The following AFG2A variants were observed in gnomAD, a reference collection of about 807,000 sequenced individuals.
AFG2A encodes ATPase family gene 2 protein homolog A.
At chr4:123,218,447 G>A in the AFG2A span, among the ~76,000 whole-genome samples, 1 of 152,180 alleles carries the variant, frequency 6.6e-6, no homozygotes, top group African/African-American at 2.4e-5. Context: ...AGTATTGAGT[G>A]GCAATTATTT....
the AFG2A span, among the ~76,000 whole-genome samples, chr4:122,936,934 C>T: frequency 2.0e-5 from 3 of 152,102 alleles, no homozygotes; most frequent in East Asian, 1.9e-4. Context: ...CAGTTGAGAT[C>T]GTGCCATTGC....
the AFG2A span, among the ~76,000 whole-genome samples, chr4:123,273,486 A>G: frequency 6.6e-5 from 10 of 152,320 alleles, no homozygotes; most frequent in African/African-American, 2.2e-4. Context: ...GAGAAGCTCT[A>G]TACATATGGA....
chr4:123,149,892 G>T, the AFG2A span, among the ~76,000 whole-genome samples: 1 of 140,122 alleles, frequency 7.1e-6, no homozygotes. Context: ...TGCAACCTCC[G>T]TCTCCTAGGA....
the AFG2A span, among the ~76,000 whole-genome samples, chr4:122,968,238 A>G: frequency 6.6e-6 from 1 of 152,120 alleles, no homozygotes. Context: ...TGCTTTATTT[A>G]TAGTTTTTTT....
the AFG2A span, among the ~76,000 whole-genome samples, chr4:122,938,550 G>A: frequency 2.2e-4 from 34 of 152,216 alleles, no homozygotes; most frequent in African/African-American, 7.9e-4. Flanking sequence ...CAGTAAGGAA[G>A]ATTTAGCAGT....
the AFG2A span, among the ~76,000 whole-genome samples, chr4:123,100,507 G>T: frequency 6.6e-6 from 1 of 151,714 alleles, no homozygotes; most frequent in Non-Finnish European, 1.5e-5. Context: ...TTTTTCTTGT[G>T]AACTATTTGT....
At chr4:122,995,793 A>G in the AFG2A span, among the ~76,000 whole-genome samples, 4 of 152,190 alleles carry the variant, frequency 2.6e-5, no homozygotes, top group Non-Finnish European at 5.9e-5. Context: ...GCTTCTTTGT[A>G]TATTTGATCA....
the AFG2A span, among the ~76,000 whole-genome samples, chr4:123,201,568 CT>C: frequency 6.6e-6 from 1 of 152,086 alleles, no homozygotes; most frequent in Non-Finnish European, 1.5e-5. Context: ...TTCAGGTGTT[CT>C]TTTAACCTTC....
chr4:123,143,182 G>GAAA, the AFG2A span, among the ~76,000 whole-genome samples: 13 of 130,746 alleles, frequency 9.9e-5, 1 homozygote, highest in Non-Finnish European at 1.8e-4. Flanking sequence ...AGTTTTTCCA[G>GAAA]AAAAAAAAAA....
At chr4:123,318,729 A>G in the AFG2A span, 1 of 150,852 alleles carries the variant, frequency 6.6e-6, no homozygotes, top group Non-Finnish European at 1.5e-5. Flanking sequence ...GTTTGAATCC[A>G]GCCTGGTCAA....
chr4:123,243,808 C>CT, the AFG2A span, among the ~76,000 whole-genome samples: 95,386 of 151,730 alleles, frequency 0.63, 30,826 homozygotes, highest in Admixed American at 0.69. Flanking sequence ...CACTTGAGTC[C>CT]GGAGTTTAGA....
the AFG2A span, among the ~76,000 whole-genome samples, chr4:122,986,437 T>G: frequency 4.6e-5 from 7 of 152,190 alleles, no homozygotes; most frequent in Non-Finnish European, 7.3e-5. Flanking sequence ...TAGTAATTGT[T>G]TTATACATTT....
the AFG2A span, among the ~76,000 whole-genome samples, chr4:123,302,401 T>C: frequency 6.6e-6 from 1 of 152,144 alleles, no homozygotes; most frequent in Non-Finnish European, 1.5e-5. Flanking sequence ...AACCTCAACA[T>C]AGGATGACTT....
chr4:123,276,890 A>G, the AFG2A span, among the ~76,000 whole-genome samples: 1 of 152,064 alleles, frequency 6.6e-6, no homozygotes, highest in Non-Finnish European at 1.5e-5. Context: ...GTGGCCTTGT[A>G]GTGTAGTTTG....
At chr4:122,939,286 T>C in the AFG2A span, among the ~76,000 whole-genome samples, 4 of 151,934 alleles carry the variant, frequency 2.6e-5, no homozygotes, top group Non-Finnish European at 5.9e-5. Context: ...GGTTTCTCCA[T>C]GTTCAGGCTG....
chr4:123,282,858 C>T, the AFG2A span, among the ~76,000 whole-genome samples: 5 of 144,114 alleles, frequency 3.5e-5, no homozygotes, highest in Non-Finnish European at 1.5e-5. Flanking sequence ...GGGGAAAATA[C>T]CATGTTTCTT....
chr4:123,311,784 A>G, the AFG2A span, among the ~76,000 whole-genome samples: 4 of 150,446 alleles, frequency 2.7e-5, no homozygotes, highest in South Asian at 2.1e-4. Context: ...CACTACCTAC[A>G]TTTATTTACT....
At chr4:123,175,699 CT>C in the AFG2A span, among the ~76,000 whole-genome samples, 1 of 152,190 alleles carries the variant, frequency 6.6e-6, no homozygotes, top group Non-Finnish European at 1.5e-5. Context: ...AGGATGTTTA[CT>C]GTGGAAGTGT....
At chr4:123,256,129 A>G in the AFG2A span, 15 of 1,614,044 alleles carry the variant, frequency 9.3e-6, no homozygotes, top group South Asian at 1.3e-4. Context: ...TCAGTAATGA[A>G]GTTGACCTGG....
Sources: gnomAD v4.1 joint callset for allele counts (sites outside exome capture counted in the v4.1 genomes callset) on GRCh38, gnomAD v4.1.1 for gene constraint, MANE v1.5 for transcripts, NCBI Gene and HGNC (gene_info 2026-07-23, HGNC 2026-07-21) for gene names.